Variants in ABHD17A observed in about 807,000 individuals in gnomAD.
ABHD17A encodes alpha/beta hydrolase domain-containing protein 17A.
ABHD17A carries 10 observed loss-of-function variants against 26.8 expected under a neutral mutation model. The ratio of observed to expected loss-of-function variants is 0.37; its 90% CI spans 0.23 to 0.63. The LOEUF (loss-of-function observed/expected upper bound fraction) is 0.63. ABHD17A is among the 30% of genes least tolerant of loss of function. ABHD17A has a pLI of 0.61. For synonymous variants in ABHD17A, 167 were observed against 210.9 expected, an observed-to-expected ratio of 0.79 and a Z score of 1.80; for missense variants, 292 against 457.3, an observed-to-expected ratio of 0.64 and a Z score of 3.30.
intron 1 of ABHD17A, chr19:1,882,520 C>T (rs1295288653): frequency 6.6e-6 from 1 of 152,084 alleles, no homozygotes; most frequent in Admixed American, 6.5e-5. Flanking sequence ...GTTCCGTGAC[C>T]GTGGGCGAGT....
rs1373458602 is a variant in ABHD17A, at chr19:1,879,871, G to T, written c.527+50C>A. 6 of 1,525,498 alleles carry T rather than the reference G, an allele frequency of 3.9e-6. No individual in the cohort carries two copies. The highest frequency in any genetic ancestry group is 1.2e-5 in the South Asian group (1 of 84,350). The allele number at this position is 1,525,498 out of a possible 1,614,324, so 94.5% of individuals were successfully genotyped here. On this transcript the variant is annotated intron_variant, in intron 3 of 4. Coordinates refer to ENST00000292577, the MANE Select transcript of ABHD17A (RefSeq NM_001130111.2). This position sits in a 1 kb window ranked among gnomAD's most constrained non-coding sequence, Gnocchi z 7.6. ...AGCCCGCCCCCCGGCCCCCCGCCTG[G>T]TCCCCTCTTGGGTGTGCCCAGGCTG... is the stretch of plus-strand genomic sequence containing the variant.
At position 1,879,927 on chromosome 19, in the gene ABHD17A, C is replaced by T. The variant is rs1441854901; in HGVS notation, c.521G>A (p.Arg174His). 6.2e-7 allele frequency: 1 copy of T among 1,606,762 alleles called. No individual in the cohort carries two copies. The highest frequency in any genetic ancestry group is 1.1e-5 in the South Asian group (1 of 90,634). Residue 174 changes from arginine to histidine, a missense_variant, in exon 3 of 5, where the codon CGC (arginine) becomes CAC (histidine). Arg to His is a conservative substitution (Grantham distance 29). This residue lies in a region of ABHD17A where 25 missense variants were observed against 40.3 expected (regional missense o/e 0.62). Transcript: ENST00000292577. The surrounding 1 kb of genome is among the most constrained non-coding windows in gnomAD (Gnocchi z 7.6). The part of the protein sequence containing the change: ...ADIDAAWQAL[R>H]TRYGISPDSI... ...CCCCCAGGGTCGCCCTCACCTGGTG[C>T]GCAGGGCCTGCCAGGCGGCGTCGAT...
chr19:1,880,412 G>A lies in ABHD17A; in HGVS notation c.333-297C>T, dbSNP rs536834192. Among the ~76,000 whole-genome samples, 5 of 152,312 alleles carry A rather than the reference G, an allele frequency of 3.3e-5. No homozygotes were observed. Among genetic ancestry groups the A allele is most frequent in the African/African-American group, 1.2e-4 (5 of 41,568 alleles). ...TCCCATCTGTGAAGCGGGACACTGG[G>A]ACCATCGGTCGCATCCTCTCTCAGG... is the stretch of plus-strand genomic sequence containing the variant. On this transcript the variant is annotated intron_variant, in intron 2 of 4. Transcript: ENST00000292577. This position sits in a 1 kb window ranked among gnomAD's most constrained non-coding sequence, Gnocchi z 4.1.
In ABHD17A at chr19:1,876,817, C is replaced by T. The variant is rs907980821; in HGVS notation, c.*383G>A. ...CTCCCTAAGGGCTCCCCGGACTAGA[C>T]AGAGACCCACCCCACTTCCGCAGAG... On this transcript the variant is annotated 3_prime_UTR_variant, in exon 5 of 5. Coordinates refer to ENST00000292577, the MANE Select transcript of ABHD17A (RefSeq NM_001130111.2). 1.6e-5 allele frequency: 4 copies of T among 243,232 alleles called. No individual in the cohort carries two copies. The highest frequency in any genetic ancestry group is 3.3e-5 in the Non-Finnish European group (4 of 123,036). The allele number at this position is 243,232 out of a possible 1,614,324, so 15.1% of individuals were successfully genotyped here. A position where few individuals can be genotyped will look rare whatever the true frequency, so the allele number is the denominator to read the frequency against.
chr19:1,879,613 C>G lies in ABHD17A; in HGVS notation c.527+308G>C, dbSNP rs183412747. The G allele has an allele frequency of 2.2e-6, 1 of 457,722 alleles. No individual in the cohort carries two copies. The highest frequency in any genetic ancestry group is 3.6e-5 in the Admixed American group (1 of 28,022). The allele number at this position is 457,722 out of a possible 1,614,324, so 28.4% of individuals were successfully genotyped here. A position where few individuals can be genotyped will look rare whatever the true frequency, so the allele number is the denominator to read the frequency against. ...AGACCCCCAGACCACCACCCACTCC[C>G]TCCCGCCGGGTGGCATCCACACCCC... On this transcript the variant is annotated intron_variant, in intron 3 of 4. Coordinates refer to ENST00000292577, the MANE Select transcript of ABHD17A (RefSeq NM_001130111.2). The surrounding 1 kb of genome is among the most constrained non-coding windows in gnomAD (Gnocchi z 7.6).
chr19:1,880,846 C>T lies in ABHD17A; in HGVS notation c.332+389G>A, dbSNP rs747123425. 8 of 1,607,314 alleles carry T rather than the reference C, an allele frequency of 5.0e-6. No individual in the cohort carries two copies. The African/African-American group carries it at 9.4e-5, about 19-fold the overall frequency. ...TCCCCCAGGCCCCCACCTAGCCCAG[C>T]CAGAAGGTAAAGGCTCGCCCTCTGG... On this transcript the variant is annotated intron_variant, in intron 2 of 4. Transcript: ENST00000292577. The surrounding 1 kb of genome is among the most constrained non-coding windows in gnomAD (Gnocchi z 4.1).
chr19:1,877,093 C>T lies in ABHD17A; in HGVS notation c.*107G>A. Reference sequence around the variant, plus strand: ...CACAGCCCCTGGGTCGGGGCGGGGTCCCCTGGGCCGCCCGGGGGGTCCACA... The same window carrying T: ...CACAGCCCCTGGGTCGGGGCGGGGTTCCCTGGGCCGCCCGGGGGGTCCACA... On this transcript the variant is annotated 3_prime_UTR_variant, in exon 5 of 5. Coordinates refer to ENST00000292577, the MANE Select transcript of ABHD17A (RefSeq NM_001130111.2). 9.2e-7 allele frequency: 1 copy of T among 1,082,042 alleles called. No homozygotes were observed. The highest frequency in any genetic ancestry group is 1.3e-6 in the Non-Finnish European group (1 of 761,260). 67.0% of individuals were successfully genotyped at this position (1,082,042 alleles called of 1,614,324 possible).
In ABHD17A at chr19:1,881,552, C is replaced by G; in HGVS notation, c.15G>C (p.Ser5=). 2 of 1,600,262 alleles carry G rather than the reference C, an allele frequency of 1.2e-6. No individual in the cohort carries two copies. The highest frequency in any genetic ancestry group is 1.7e-6 in the Non-Finnish European group (2 of 1,177,554). Residue 5 remains serine, a synonymous_variant, in exon 2 of 5, where the codon TCG becomes TCC. Transcript: ENST00000292577. Reference sequence around the variant, plus strand: ...AGAAGAGGCAGCAGAGCTCACTCAGCGACAGCCCATTCATGGCGGGCGCCG... The same window carrying G: ...AGAAGAGGCAGCAGAGCTCACTCAGGGACAGCCCATTCATGGCGGGCGCCG... MNGL[S]LSELCCLFCC... is the part of the protein sequence containing the mutation.
chr19:1,877,367 C>G lies in ABHD17A; in HGVS notation c.766G>C (p.Glu256Gln), dbSNP rs1381584788. 6.4e-7 allele frequency: 1 copy of G among 1,551,246 alleles called. No homozygotes were observed. The highest frequency in any genetic ancestry group is 8.7e-7 in the Non-Finnish European group (1 of 1,155,280). ...AGCCCGTGCGAGAAGTCGATCACCT[C>G]GTCCTCCGTGCCGTGGATGATGAGC... Reference protein sequence around the residue: ...PVLIIHGTEDEVIDFSHGLAL... With the variant: ...PVLIIHGTEDQVIDFSHGLAL... Residue 256 changes from glutamate (E) to glutamine (Q), a missense_variant, in exon 5 of 5, where the codon GAG (glutamate) becomes CAG (glutamine). Physicochemically the swap from Glu to Gln is conservative, Grantham distance 29 (BLOSUM62 2). Around this residue, in one of 4 missense-constraint regions of ABHD17A, gnomAD observed 88 missense variants for 134.3 expected, o/e 0.66. Coordinates refer to ENST00000292577, the MANE Select transcript of ABHD17A (RefSeq NM_001130111.2).
Position 1,881,355 on chromosome 19 carries a change from G to A in ABHD17A, c.212C>T (p.Thr71Met), listed in dbSNP as rs572298970. Residue 71 changes from threonine (T) to methionine (M), a missense_variant, in exon 2 of 5, where the codon ACG (threonine) becomes ATG (methionine). Transcript: ENST00000292577. ...GCTGTACTGGAAGTCGGCACGCTCC[G>A]TCAGGTGCAGCTTCCAGCGCCCGGG... ...GAPGRWKLHL[T>M]ERADFQYSQR... 53 of 1,609,246 alleles carry A rather than the reference G, an allele frequency of 3.3e-5. No individual in the cohort carries two copies. The African/African-American group carries it at 3.3e-4, about 10-fold the overall frequency.
In ABHD17A at chr19:1,877,240, C is replaced by T. The variant is rs1303912516; in HGVS notation, c.893G>A (p.Arg298His). ...ELYSQYLERL[R>H]RFISQELPSQ... ...GGGCAGCTCCTGGGAGATGAAGCGA[C>T]GCAGGCGCTCCAGGTACTGGCTGTA... Residue 298 changes from arginine (R) to histidine (H), a missense_variant, in exon 5 of 5, where the codon CGT becomes CAT. Arg to His is a conservative substitution (Grantham distance 29). Transcript: ENST00000292577. 2 of 1,540,966 alleles carry T rather than the reference C, an allele frequency of 1.3e-6. No homozygotes were observed. The highest frequency in any genetic ancestry group is 1.7e-6 in the Non-Finnish European group (2 of 1,146,010).
Position 1,880,258 on chromosome 19 carries a change from A to C in ABHD17A, c.333-143T>G. The C allele has an allele frequency of 2.4e-6, 2 of 836,526 alleles. No individual in the cohort carries two copies. Among genetic ancestry groups the C allele is most frequent in the Non-Finnish European group, 3.8e-6 (2 of 529,158 alleles). The allele number at this position is 836,526 out of a possible 1,614,324, so 51.8% of individuals were successfully genotyped here. A position where few individuals can be genotyped will look rare whatever the true frequency, so the allele number is the denominator to read the frequency against. Reference sequence around the variant, plus strand: ...TCCCCTCCCAAGGGGGCCAGAAGCCAGTGAATGGAGAGGGGAGGCTACGAC... The same window carrying C: ...TCCCCTCCCAAGGGGGCCAGAAGCCCGTGAATGGAGAGGGGAGGCTACGAC... On this transcript the variant is annotated intron_variant, in intron 2 of 4. Transcript: ENST00000292577. This position sits in a 1 kb window ranked among gnomAD's most constrained non-coding sequence, Gnocchi z 4.1.
rs551326618 is a variant in ABHD17A at position 1,880,862 on chromosome 19, C to T, written c.332+373G>A. On this transcript the variant is annotated intron_variant, in intron 2 of 4. Transcript: ENST00000292577. The surrounding 1 kb of genome is among the most constrained non-coding windows in gnomAD (Gnocchi z 4.1). ...CTAGCCCAGCCAGAAGGTAAAGGCT[C>T]GCCCTCTGGACTCAGATCTGGTCAG... The T allele has an allele frequency of 8.7e-5, 141 of 1,611,954 alleles. No homozygotes were observed. Among genetic ancestry groups the T allele is most frequent in the South Asian group, 7.1e-4 (65 of 90,974 alleles).
At position 1,876,902 on chromosome 19, in the gene ABHD17A, A is replaced by C. The variant is rs2012370958; in HGVS notation, c.*298T>G. ...TAGGGACTCAGGGACGAAACCTGGG[A>C]ACCCCGGCCCCCTTTCGAGCTCGCT... On this transcript the variant is annotated 3_prime_UTR_variant, in exon 5 of 5. Coordinates refer to ENST00000292577, the MANE Select transcript of ABHD17A (RefSeq NM_001130111.2). 4.6e-6 allele frequency: 2 copies of C among 436,834 alleles called. No homozygotes were observed. Among genetic ancestry groups the C allele is most frequent in the Non-Finnish European group, 8.3e-6 (2 of 240,396 alleles). 27.1% of individuals were successfully genotyped at this position (436,834 alleles called of 1,614,324 possible).
chr19:1,880,245 G>A lies in ABHD17A; in HGVS notation c.333-130C>T. The A allele has an allele frequency of 3.2e-6, 3 of 937,532 alleles. No homozygotes were observed. Among genetic ancestry groups the A allele is most frequent in the Non-Finnish European group, 4.8e-6 (3 of 619,088 alleles). The allele number at this position is 937,532 out of a possible 1,614,324, so 58.1% of individuals were successfully genotyped here. Reference sequence around the variant, plus strand: ...GTGCCTCATTTACTCCCCTCCCAAGGGGGCCAGAAGCCAGTGAATGGAGAG... The same window carrying A: ...GTGCCTCATTTACTCCCCTCCCAAGAGGGCCAGAAGCCAGTGAATGGAGAG... On this transcript the variant is annotated intron_variant, in intron 2 of 4. Transcript: ENST00000292577. This position sits in a 1 kb window ranked among gnomAD's most constrained non-coding sequence, Gnocchi z 4.1.
In ABHD17A at chr19:1,881,425, C is replaced by A; in HGVS notation, c.142G>T (p.Ala48Ser). ...VPEPEPGPGG[A>S]GAAPLGTLRA... Reference sequence around the variant, plus strand: ...AGGGTCCCCAAGGGGGCGGCCCCGGCCCCACCAGGCCCCGGCTCGGGCTCA... The same window carrying A: ...AGGGTCCCCAAGGGGGCGGCCCCGGACCCACCAGGCCCCGGCTCGGGCTCA... The change falls in exon 2 of 5, where the codon GCC (alanine) becomes TCC (serine). Residue 48 changes from alanine (A) to serine (S), a missense_variant. Coordinates refer to ENST00000292577, the MANE Select transcript of ABHD17A (RefSeq NM_001130111.2). 6.2e-7 allele frequency: 1 copy of A among 1,601,830 alleles called. No homozygotes were observed. Among genetic ancestry groups the A allele is most frequent in the East Asian group, 2.2e-5 (1 of 44,798 alleles).
Position 1,879,669 on chromosome 19 carries a change from G to A in ABHD17A, c.527+252C>T, listed in dbSNP as rs1028498019. On this transcript the variant is annotated intron_variant, in intron 3 of 4. Transcript: ENST00000292577. This position sits in a 1 kb window ranked among gnomAD's most constrained non-coding sequence, Gnocchi z 7.6. ...CAAGCTCAGCCCCTTCCCATCCTCA[G>A]GCCAGGGGTTCCCAGGGAACCTGGC... 2.0e-5 allele frequency: 11 copies of A among 554,450 alleles called. No homozygotes were observed. Among genetic ancestry groups the A allele is most frequent in the Non-Finnish European group, 3.6e-5 (11 of 307,204 alleles). The allele number at this position is 554,450 out of a possible 1,614,324, so 34.3% of individuals were successfully genotyped here. A position where few individuals can be genotyped will look rare whatever the true frequency, so the allele number is the denominator to read the frequency against.
Position 1,880,781 on chromosome 19 carries a change from G to C in ABHD17A, c.332+454C>G. 3.4e-6 allele frequency: 5 copies of C among 1,455,820 alleles called. No homozygotes were observed. The East Asian group carries it at 1.2e-4, about 34-fold the overall frequency. 90.2% of individuals were successfully genotyped at this position (1,455,820 alleles called of 1,614,324 possible). A position where few individuals can be genotyped will look rare whatever the true frequency, so the allele number is the denominator to read the frequency against. ...GCTGCCCCAGGTGGTGCCAGGAGCA[G>C]GTGGCCAGGCTGGCCCTGCCATGGA... is the stretch of plus-strand genomic sequence containing the variant. On this transcript the variant is annotated intron_variant, in intron 2 of 4. Coordinates refer to ENST00000292577, the MANE Select transcript of ABHD17A (RefSeq NM_001130111.2). The surrounding 1 kb of genome is among the most constrained non-coding windows in gnomAD (Gnocchi z 4.1).
At position 1,879,914 on chromosome 19, in the gene ABHD17A, C is replaced by T. The variant is rs774296059; in HGVS notation, c.527+7G>A. The T allele has an allele frequency of 1.9e-6, 3 of 1,598,414 alleles. No homozygotes were observed. In the South Asian group the frequency reaches 3.3e-5, roughly 18 times the overall value. On this transcript the variant is annotated splice_region_variant and intron_variant, in intron 3 of 4. Transcript: ENST00000292577. This position sits in a 1 kb window ranked among gnomAD's most constrained non-coding sequence, Gnocchi z 7.6. ...CCAGGCTGAGCTGCCCCCAGGGTCG[C>T]CCTCACCTGGTGCGCAGGGCCTGCC...
Sources: gnomAD v4.1 joint callset for allele counts (sites outside exome capture counted in the v4.1 genomes callset) on GRCh38, gnomAD v4.1.1 for gene constraint, gnomAD v4.1.1 regional missense constraint, Gnocchi (gnomAD v3.1) non-coding constraint, MANE v1.5 for transcripts, NCBI Gene and HGNC (gene_info 2026-07-23, HGNC 2026-07-21) for gene names.